CRADD: variants seen among roughly 807,000 people sequenced by gnomAD.
The protein encoded by CRADD is CARD and death domain containing adaptor protein, also known as death domain-containing protein CRADD.
In CRADD, 9 loss-of-function variants were observed where a neutral mutation model predicts 15.5. The ratio of observed to expected loss-of-function variants is 0.58; its 90% CI spans 0.35 to 1.01. The LOEUF (loss-of-function observed/expected upper bound fraction) is 1.01, where lower values mean the gene tolerates loss of function less well. Ranked by LOEUF, CRADD falls within the 50% of genes least tolerant of loss-of-function variation. The probability of loss-of-function intolerance (pLI) is 0.02; values close to 1 mark genes in which losing one functional copy is unlikely to be tolerated. For missense variants in CRADD, 227 were observed against 250.3 expected (o/e 0.91, Z 0.63); for synonymous variants, 118 against 107.6 (o/e 1.10, Z -0.60).
chr12:93,746,045 G>C (rs1005907655), intron 2 of CRADD, among the ~76,000 whole-genome samples: 1 of 152,140 alleles, frequency 6.6e-6, no homozygotes, highest in Non-Finnish European at 1.5e-5. Flanking sequence ...GGATGAATAG[G>C]GTTAGGGCAA....
chr12:93,879,976 G>A (rs767675009), intron 2 of CRADD, among the ~76,000 whole-genome samples: 3 of 152,198 alleles, frequency 2.0e-5, no homozygotes, highest in Non-Finnish European at 1.5e-5. Flanking sequence ...TCTATGCCAG[G>A]AGCTATGCAA....
At chr12:93,809,657 C>T (rs1186770260) in intron 2 of CRADD, among the ~76,000 whole-genome samples, 1 of 152,152 alleles carries the variant, frequency 6.6e-6, no homozygotes, top group Non-Finnish European at 1.5e-5. Context: ...ATGGCCTTAC[C>T]CTCTTTACTG....
intron 2 of CRADD, among the ~76,000 whole-genome samples, chr12:93,725,797 G>A (rs1005945715): frequency 9.2e-5 from 14 of 152,178 alleles, no homozygotes; most frequent in African/African-American, 3.4e-4. Context: ...GGTGTGTATA[G>A]AGTGCCTGTT....
At chr12:93,715,376 A>G (rs2136873113) in intron 2 of CRADD, among the ~76,000 whole-genome samples, 1 of 152,356 alleles carries the variant, frequency 6.6e-6, no homozygotes, top group East Asian at 1.9e-4. Context: ...AAACACATAC[A>G]AATGTTAGCA....
intron 2 of CRADD, among the ~76,000 whole-genome samples, chr12:93,781,033 A>C (rs1592984496): frequency 6.6e-6 from 1 of 151,862 alleles, no homozygotes; most frequent in East Asian, 1.9e-4. Context: ...TGGGATTACA[A>C]GTGTGAGCCA....
intron 2 of CRADD, among the ~76,000 whole-genome samples, chr12:93,817,989 T>A (rs1055465712): frequency 6.6e-6 from 1 of 152,038 alleles, no homozygotes; most frequent in Non-Finnish European, 1.5e-5. Context: ...TCTGCCAGGG[T>A]TCCCCCCGCC....
chr12:93,776,727 G>A (rs1366813851), intron 2 of CRADD, among the ~76,000 whole-genome samples: 1 of 152,194 alleles, frequency 6.6e-6, no homozygotes, highest in Non-Finnish European at 1.5e-5. Flanking sequence ...GTATTATTCA[G>A]TAATAAAGAC....
At chr12:93,809,715 A>G (rs1295975870) in intron 2 of CRADD, among the ~76,000 whole-genome samples, 2 of 152,196 alleles carry the variant, frequency 1.3e-5, no homozygotes, top group Non-Finnish European at 2.9e-5. Context: ...ATGAACACGG[A>G]ATGAATGGGC....
At chr12:93,845,126 T>C (rs1220928259) in intron 2 of CRADD, among the ~76,000 whole-genome samples, 1 of 152,084 alleles carries the variant, frequency 6.6e-6, no homozygotes, top group East Asian at 1.9e-4. Context: ...GTCTAAGACA[T>C]TTAACTCCCC....
chr12:93,768,671 A>G (rs778281049), intron 2 of CRADD, among the ~76,000 whole-genome samples: 1 of 152,222 alleles, frequency 6.6e-6, no homozygotes, highest in Non-Finnish European at 1.5e-5. Context: ...GCCAATAAAT[A>G]TGGATTAAAA....
At chr12:93,682,310 G>A (rs1292397824) in intron 2 of CRADD, among the ~76,000 whole-genome samples, 1 of 152,174 alleles carries the variant, frequency 6.6e-6, no homozygotes, top group Non-Finnish European at 1.5e-5. Context: ...AGGAGAATGT[G>A]TGTACACATT....
intron 2 of CRADD, among the ~76,000 whole-genome samples, chr12:93,821,938 T>C (rs1957773799): frequency 6.6e-6 from 1 of 151,986 alleles, no homozygotes; most frequent in Non-Finnish European, 1.5e-5. Context: ...GCCAACATGG[T>C]GAAACCCCAT....
intron 2 of CRADD, among the ~76,000 whole-genome samples, chr12:93,709,864 G>C (rs1306908197): frequency 6.6e-6 from 1 of 152,196 alleles, no homozygotes; most frequent in Admixed American, 6.5e-5. Flanking sequence ...ATTTTAACTA[G>C]AATAGCTGGT....
chr12:93,755,940 G>A (rs1956884955), intron 2 of CRADD, among the ~76,000 whole-genome samples: 1 of 152,138 alleles, frequency 6.6e-6, no homozygotes, highest in Non-Finnish European at 1.5e-5. Context: ...GTGGGTGTGG[G>A]CCATGTTCTA....
chr12:93,803,160 A>G (rs1180631176), intron 2 of CRADD, among the ~76,000 whole-genome samples: 3 of 152,192 alleles, frequency 2.0e-5, no homozygotes, highest in Non-Finnish European at 4.4e-5. Context: ...TCTTTCTGAT[A>G]TACAGCCAAA....
intron 2 of CRADD, among the ~76,000 whole-genome samples, chr12:93,845,352 G>A (rs865911610): frequency 5.3e-5 from 8 of 152,302 alleles, no homozygotes; most frequent in Non-Finnish European, 8.8e-5. Context: ...AGATGTTCAC[G>A]TTATAAGTAT....
chr12:93,738,094 G>T, intron 2 of CRADD: 1 of 571,068 alleles, frequency 1.8e-6, no homozygotes, highest in Non-Finnish European at 3.1e-6. Context: ...GTTGAATTGA[G>T]CTAGGAGGAT....
At chr12:93,808,072 G>A (rs1957564573) in intron 2 of CRADD, among the ~76,000 whole-genome samples, 1 of 151,822 alleles carries the variant, frequency 6.6e-6, no homozygotes, top group Non-Finnish European at 1.5e-5. Context: ...GGGTGGGGAG[G>A]CCCCCATTCA....
intron 2 of CRADD, among the ~76,000 whole-genome samples, chr12:93,728,538 A>G (rs1565890831): frequency 2.0e-5 from 3 of 152,230 alleles, no homozygotes; most frequent in Admixed American, 1.3e-4. Context: ...TTGATAAAAT[A>G]CGGTAAAGTT....
Sources: allele counts gnomAD v4.1 joint callset (sites outside exome capture counted in the v4.1 genomes callset), GRCh38; gene constraint gnomAD v4.1.1; transcripts MANE v1.5; gene names NCBI Gene and HGNC (gene_info 2026-07-23, HGNC 2026-07-21).